SHTN1: variants seen among roughly 807,000 people sequenced by gnomAD.
The protein encoded by SHTN1 is shootin-1.
SHTN1 carries 42 observed loss-of-function variants against 83.1 expected under a neutral mutation model. The ratio of observed to expected loss-of-function variants is 0.51; its 90% CI spans 0.39 to 0.65. The LOEUF (loss-of-function observed/expected upper bound fraction) is 0.65. SHTN1 is among the 30% of genes least tolerant of loss of function. The pLI is 0.00. For missense variants in SHTN1, 622 were observed against 737.8 expected (o/e 0.84, Z 1.82); for synonymous variants, 224 against 247.7 (o/e 0.90, Z 0.90).
At chr10:116,928,701 A>T (rs958244511) in intron 10 of SHTN1, among the ~76,000 whole-genome samples, 3 of 152,140 alleles carry the variant, frequency 2.0e-5, no homozygotes, top group Non-Finnish European at 4.4e-5. Flanking sequence ...ATTTGTATTT[A>T]CCCTCAACAC....
At chr10:116,900,580 A>T in intron 16 of SHTN1, 1 of 1,532,232 alleles carries the variant, frequency 6.5e-7, no homozygotes, top group Non-Finnish European at 8.7e-7. Flanking sequence ...ATACACACAC[A>T]CTGAAGCATT....
chr10:117,114,116 G>A (rs1377418630), intron 1 of SHTN1, among the ~76,000 whole-genome samples: 2 of 152,162 alleles, frequency 1.3e-5, no homozygotes, highest in South Asian at 2.1e-4. Context: ...GGCTAAAGTG[G>A]GAGGATTCCC....
intron 14 of SHTN1, among the ~76,000 whole-genome samples, chr10:116,910,743 A>G (rs1848158981): frequency 6.6e-6 from 1 of 152,212 alleles, no homozygotes; most frequent in Non-Finnish European, 1.5e-5. Flanking sequence ...AGAACACTGA[A>G]TAACAGACTT....
At chr10:117,017,945 C>G (rs1408986550) in intron 2 of SHTN1, among the ~76,000 whole-genome samples, 1 of 152,096 alleles carries the variant, frequency 6.6e-6, no homozygotes, top group Non-Finnish European at 1.5e-5. Context: ...AAAAGAAAGA[C>G]AAACACAACT....
intron 2 of SHTN1, among the ~76,000 whole-genome samples, chr10:117,015,485 C>T (rs984619623): frequency 7.9e-5 from 12 of 152,172 alleles, no homozygotes; most frequent in African/African-American, 2.9e-4. Context: ...GCATGCACCA[C>T]CACGCCTGGC....
At chr10:116,893,724 C>T (rs1847420448) in intron 16 of SHTN1, among the ~76,000 whole-genome samples, 1 of 152,150 alleles carries the variant, frequency 6.6e-6, no homozygotes, top group Non-Finnish European at 1.5e-5. Context: ...TTGAACAAAA[C>T]ATGACCCCAA....
intron 9 of SHTN1, among the ~76,000 whole-genome samples, chr10:116,932,358 G>A (rs1044874576): frequency 2.6e-5 from 4 of 152,120 alleles, no homozygotes; most frequent in Non-Finnish European, 5.9e-5. Context: ...ACAGAACCGC[G>A]AACCCTATTG....
At chr10:117,105,577 T>C (rs1853658685) in intron 1 of SHTN1, among the ~76,000 whole-genome samples, 1 of 152,220 alleles carries the variant, frequency 6.6e-6, no homozygotes, top group African/African-American at 2.4e-5. Context: ...TAGAACCCGT[T>C]TGCTACTGTA....
intron 1 of SHTN1, among the ~76,000 whole-genome samples, chr10:116,999,874 T>C (rs921070162): frequency 2.0e-5 from 3 of 152,056 alleles, no homozygotes; most frequent in African/African-American, 4.8e-5. Context: ...GACCACGCCA[T>C]TGCACTCCAG....
In SHTN1 at chr10:117,124,588, C is replaced by T. The variant is rs575049323; in HGVS notation, c.-189+1719G>A. On this transcript the variant is annotated intron_variant, in intron 1 of 17. Coordinates refer to the SHTN1 transcript ENST00000392901. ...AGGAGTTCAAGATCAGCCTGGCCAA[C>T]GTGGTGAAACCCCATCTCTACTAAA... Among the ~76,000 whole-genome samples, 53 of 152,212 alleles carry T rather than the reference C, an allele frequency of 3.5e-4. No homozygotes were observed. The South Asian group carries it at 1.0e-2, about 29-fold the overall frequency.
chr10:116,940,568 CAGA>C lies in SHTN1; in HGVS notation c.753_755del (p.Leu253del). 2 of 1,612,840 alleles carry C rather than the reference CAGA, an allele frequency of 1.2e-6. No individual in the cohort carries two copies. Among genetic ancestry groups the C allele is most frequent in the Middle Eastern group, 1.7e-4 (1 of 6,056 alleles). The stretch of plus-strand genomic sequence containing the variant: ...GCTGATCAGGGATGGAGCTCTGCAG[CAGA>C]AGGTGGCTTTGTCTCTTTAGCTTGT... On this transcript the variant is annotated inframe_deletion, in exon 9 of 17. Transcript: ENST00000355371.
chr10:117,092,589 C>T (rs561813565), intron 1 of SHTN1, among the ~76,000 whole-genome samples: 1 of 152,342 alleles, frequency 6.6e-6, no homozygotes, highest in East Asian at 1.9e-4. Flanking sequence ...CATCTGGCTG[C>T]ACCCAGTGCA....
rs1850714885 is a variant in SHTN1 at position 116,974,240 on chromosome 10, A to T, written c.111+5016T>A. ...TTCTAGATAGATTGCTGTTAATAAG[A>T]GACTCATTTTCACTTTCAAACTGCT... is the stretch of plus-strand genomic sequence containing the variant. On this transcript the variant is annotated intron_variant, in intron 2 of 16. Coordinates refer to ENST00000355371, the MANE Select transcript of SHTN1 (RefSeq NM_001127211.3). The T allele has an allele frequency of 6.3e-6, 4 of 634,400 alleles. No homozygotes were observed. In the Admixed American group the frequency reaches 1.8e-4, roughly 28 times the overall value. 39.3% of individuals were successfully genotyped at this position (634,400 alleles called of 1,614,324 possible). A position where few individuals can be genotyped will look rare whatever the true frequency, so the allele number is the denominator to read the frequency against.
intron 11 of SHTN1, among the ~76,000 whole-genome samples, chr10:116,926,021 TA>T (rs1183468041): frequency 1.6e-4 from 24 of 152,138 alleles, no homozygotes. Flanking sequence ...CTCTTTTCTT[TA>T]AAAAATTATG....
At chr10:116,894,861 G>T (rs1486667200) in intron 16 of SHTN1, among the ~76,000 whole-genome samples, 1 of 152,152 alleles carries the variant, frequency 6.6e-6, no homozygotes, top group South Asian at 2.1e-4. Context: ...AAGCAAGAGG[G>T]CAAGAAAACA....
chr10:117,043,290 C>T (rs1003951693), intron 2 of SHTN1, among the ~76,000 whole-genome samples: 4 of 151,970 alleles, frequency 2.6e-5, no homozygotes, highest in Non-Finnish European at 5.9e-5. Flanking sequence ...CCCACCACCA[C>T]GCCTGGCTAA....
At chr10:117,018,749 T>G (rs1852220584) in intron 2 of SHTN1, among the ~76,000 whole-genome samples, 1 of 151,966 alleles carries the variant, frequency 6.6e-6, no homozygotes, top group African/African-American at 2.4e-5. Context: ...TTTTGTATTT[T>G]TTCAGTAGAG....
chr10:117,072,562 C>A (rs528819079), intron 1 of SHTN1, among the ~76,000 whole-genome samples: 1 of 152,180 alleles, frequency 6.6e-6, no homozygotes, highest in East Asian at 1.9e-4. Context: ...ACCCCCAGTA[C>A]AAGCCCAGAG....
upstream of SHTN1, among the ~76,000 whole-genome samples, chr10:117,005,999 T>G (rs1852000373): frequency 6.6e-6 from 1 of 152,212 alleles, no homozygotes; most frequent in Non-Finnish European, 1.5e-5. Context: ...CTGAACTATT[T>G]GAACTCATGT....
Sources: gnomAD v4.1 joint callset for allele counts (sites outside exome capture counted in the v4.1 genomes callset) on GRCh38, gnomAD v4.1.1 for gene constraint, MANE v1.5 for transcripts, NCBI Gene and HGNC (gene_info 2026-07-23, HGNC 2026-07-21) for gene names.